Variants in FLT1 observed in about 807,000 individuals in gnomAD.
FLT1 encodes the protein vascular endothelial growth factor receptor 1.
Under a neutral mutation model 156.3 loss-of-function variants are expected in FLT1, and 49 were observed. That is an observed-to-expected ratio of 0.31 (90% confidence interval 0.25 to 0.40). The LOEUF (loss-of-function observed/expected upper bound fraction) is 0.40. Ranked by LOEUF, FLT1 falls within the 10% of genes least tolerant of loss-of-function variation. The pLI is 1.00. For synonymous variants in FLT1, 594 were observed against 583.8 expected, an observed-to-expected ratio of 1.02 and a Z score of -0.25; for missense variants, 1,322 against 1,637.2, an observed-to-expected ratio of 0.81 and a Z score of 3.32.
Position 28,302,302 on chromosome 13 carries a change from C to T in FLT1, c.*865G>A, listed in dbSNP as rs563577389. 9.9e-5 allele frequency: 23 copies of T among 233,296 alleles called. No homozygotes were observed. Among genetic ancestry groups the T allele is most frequent in the African/African-American group, 4.8e-4 (22 of 45,464 alleles). The allele number at this position is 233,296 out of a possible 1,614,324, so 14.5% of individuals were successfully genotyped here. ...AAGGCCATCATGGCCTGGAGACAACCTAACTCTGGCTAAGTTTTCAGTGCA... is the reference window on the plus strand; with the variant it reads ...AAGGCCATCATGGCCTGGAGACAACTTAACTCTGGCTAAGTTTTCAGTGCA... On this transcript the variant is annotated 3_prime_UTR_variant, in exon 30 of 30. Transcript: ENST00000282397.
chr13:28,391,240 C>T (rs1471546129), intron 12 of FLT1, among the ~76,000 whole-genome samples: 1 of 152,162 alleles, frequency 6.6e-6, no homozygotes, highest in Non-Finnish European at 1.5e-5. Flanking sequence ...GCCATTTTCT[C>T]CAATGTCGAT....
In FLT1 at chr13:28,382,167, GACTC is replaced by G. The variant is rs1874106556; in HGVS notation, c.2116+2714_2116+2717del. On this transcript the variant is annotated intron_variant, in intron 14 of 29. Coordinates refer to ENST00000282397, the MANE Select transcript of FLT1 (RefSeq NM_002019.4). ...AGTAGAAACAGTTATAAGTAATAAA[GACTC>G]ACGGAGGATCTGCCTCCTATTTGTG... 3.3e-5 allele frequency among the ~76,000 whole-genome samples: 5 copies of G among 152,302 alleles called. No homozygotes were observed. In the South Asian group the frequency reaches 1.0e-3, roughly 32 times the overall value.
Position 28,303,339 on chromosome 13 carries a change from G to A in FLT1, c.3845C>T (p.Ser1282Leu), listed in dbSNP as rs773736576. 35 of 1,613,860 alleles carry A rather than the reference G, an allele frequency of 2.2e-5. No homozygotes were observed. The highest frequency in any genetic ancestry group is 1.0e-4 in the Admixed American group (6 of 60,000). Residue 1282 changes from serine to leucine, a missense_variant, in exon 30 of 30, where the codon TCG becomes TTG. Physicochemically the swap from Ser to Leu is moderately radical, Grantham distance 145. Transcript: ENST00000282397. ...DLRVTSKSKE[S>L]GLSDVSRPSF... ...GGGCCTGCTGACATCAGACAGCCCC[G>A]ACTCCTTACTTTTACTGGTTACTCT...
At chr13:28,404,326 G>T (rs1875650975) in intron 11 of FLT1, among the ~76,000 whole-genome samples, 2 of 152,096 alleles carry the variant, frequency 1.3e-5, no homozygotes, top group Non-Finnish European at 2.9e-5. Context: ...TTGGCTATAA[G>T]GGCATTAGGT....
In FLT1 at chr13:28,467,148, A is replaced by G; in HGVS notation, c.162-19T>C. ...TTCCCCCCTGCAATCACAGATAAGA[A>G]AACAAAACATATTTATGGCTGGGCC... On this transcript the variant is annotated intron_variant, in intron 2 of 29. Coordinates refer to ENST00000282397, the MANE Select transcript of FLT1 (RefSeq NM_002019.4). 1 of 1,583,026 alleles carries G rather than the reference A, an allele frequency of 6.3e-7. No homozygotes were observed. Among genetic ancestry groups the G allele is most frequent in the Non-Finnish European group, 8.7e-7 (1 of 1,153,516 alleles).
At chr13:28,430,949 T>C (rs1844507019) in intron 7 of FLT1, among the ~76,000 whole-genome samples, 187 bp downstream of exon 7, 1 of 152,224 alleles carries the variant, frequency 6.6e-6, no homozygotes, top group Non-Finnish European at 1.5e-5. Context: ...AATTCAAAAG[T>C]ATTAAATGTA....
At chr13:28,315,279 G>C (rs1034885811) in intron 25 of FLT1, among the ~76,000 whole-genome samples, 4 of 152,204 alleles carry the variant, frequency 2.6e-5, no homozygotes. Context: ...TTCAGGCCAG[G>C]CATGGAGGCT....
At chr13:28,372,072 A>ATTTTTTT (rs1565990471) in intron 14 of FLT1, among the ~76,000 whole-genome samples, 8 of 15,510 alleles carry the variant, frequency 5.2e-4, no homozygotes, top group African/African-American at 1.1e-3. Flanking sequence ...ATATATATAT[A>ATTTTTTT]TATATTTTTT....
In FLT1 at chr13:28,408,499, A is replaced by G. The variant is rs138475159; in HGVS notation, c.1437-2605T>C. Among the ~76,000 whole-genome samples, 718 of 152,366 alleles carry G rather than the reference A, an allele frequency of 4.7e-3. 8 individuals carry two copies. Among genetic ancestry groups the G allele is most frequent in the African/African-American group, 0.016 (683 of 41,586 alleles). The stretch of plus-strand genomic sequence containing the variant: ...GAATGTCATTTAGAAGCCTTACTAT[A>G]TAACAGCACTTGAAAAGAGATTTAG... On this transcript the variant is annotated intron_variant, in intron 10 of 29. Coordinates refer to ENST00000282397, the MANE Select transcript of FLT1 (RefSeq NM_002019.4).
At chr13:28,318,970 G>T (rs1369312315) in intron 24 of FLT1, among the ~76,000 whole-genome samples, 1 of 152,190 alleles carries the variant, frequency 6.6e-6, no homozygotes, top group South Asian at 2.1e-4. Context: ...CACTGGAAAG[G>T]TCTCCTGTTT....
intron 1 of FLT1, among the ~76,000 whole-genome samples, chr13:28,485,857 G>C (rs748062495): frequency 6.6e-6 from 1 of 152,232 alleles, no homozygotes; most frequent in Non-Finnish European, 1.5e-5. Context: ...CTCATGAAGA[G>C]GGAGGCCCAG....
chr13:28,387,407 A>G (rs1361289755), intron 13 of FLT1: 1 of 1,055,140 alleles, frequency 9.5e-7, no homozygotes, highest in Non-Finnish European at 1.1e-6. Context: ...CGTTGAACCC[A>G]TATTTCGAAA....
At chr13:28,360,495 A>C (rs1298393480) in intron 14 of FLT1, among the ~76,000 whole-genome samples, 1 of 152,262 alleles carries the variant, frequency 6.6e-6, no homozygotes, top group Non-Finnish European at 1.5e-5. Flanking sequence ...ACAATGGAAT[A>C]CTACAGCCTT....
intron 1 of FLT1, among the ~76,000 whole-genome samples, chr13:28,475,643 C>T (rs1249495654): frequency 6.6e-6 from 1 of 152,064 alleles, no homozygotes; most frequent in South Asian, 2.1e-4. Context: ...TGCAAATTTC[C>T]GGACGCTACC....
At chr13:28,388,164 CA>C (rs1392418509) in intron 13 of FLT1, 11 of 1,057,582 alleles carry the variant, frequency 1.0e-5, no homozygotes, top group Non-Finnish European at 1.3e-5. Context: ...TTTCAAGATA[CA>C]ATTGATTTTT....
chr13:28,343,305 C>CTT (rs1182605676), intron 16 of FLT1, among the ~76,000 whole-genome samples: 1 of 144,614 alleles, frequency 6.9e-6, no homozygotes. Context: ...TCTTTCTTTT[C>CTT]TTTTTTTTTT....
Position 28,429,927 on chromosome 13 carries a change from C to T in FLT1, c.1106+123G>A, listed in dbSNP as rs45496898. 7,073 of 781,470 alleles carry T rather than the reference C, an allele frequency of 9.1e-3. 54 individuals carry two copies. Among genetic ancestry groups the T allele is most frequent in the Middle Eastern group, 0.013 (50 of 3,926 alleles). 48.4% of individuals were successfully genotyped at this position (781,470 alleles called of 1,614,324 possible). ...ACCCAAGAATCTACAGAGTTCTGAG[C>T]TCTCTGGGGCTGTCTGAGGAACGTC... On this transcript the variant is annotated intron_variant, in intron 8 of 29. Transcript: ENST00000282397.
intron 10 of FLT1, among the ~76,000 whole-genome samples, chr13:28,415,204 G>A (rs1455544886): frequency 1.3e-5 from 2 of 152,234 alleles, no homozygotes; most frequent in African/African-American, 2.4e-5. Flanking sequence ...CTTTGCCCGG[G>A]TGCGGTGGCT....
At chr13:28,473,815 AAAGAAAGAAAGAAAGAAAGAAAGG>A (rs1450109369) in intron 1 of FLT1, among the ~76,000 whole-genome samples, 1,547 of 128,466 alleles carry the variant, frequency 0.012, 62 homozygotes, top group African/African-American at 0.036. Flanking sequence ...AGAAAGAAAG[AAAGAAAGAAAGAAAGAAAGAAAGG>A]AAGAAAGAAA....
Sources: allele counts gnomAD v4.1 joint callset (sites outside exome capture counted in the v4.1 genomes callset), GRCh38; gene constraint gnomAD v4.1.1; transcripts MANE v1.5; gene names NCBI Gene and HGNC (gene_info 2026-07-23, HGNC 2026-07-21).